The following UBAC1 variants were observed in gnomAD, a reference collection of about 807,000 sequenced individuals.
UBAC1 encodes the protein UBA domain containing 1, also known as ubiquitin-associated domain-containing protein 1.
A neutral mutation model predicts 45.9 loss-of-function variants in UBAC1; 27 were observed. The observed-to-expected ratio is 0.59, with a 90% CI of 0.43 to 0.81. The LOEUF (loss-of-function observed/expected upper bound fraction) is 0.81. UBAC1 is among the 30% of genes least tolerant of loss of function. The pLI is 0.00. For missense variants in UBAC1, 529 were observed against 539.2 expected (o/e 0.98, Z 0.19); for synonymous variants, 227 against 215.5 (o/e 1.05, Z -0.47).
intron 9 of UBAC1, among the ~76,000 whole-genome samples, chr9:135,935,730 A>G (rs1323086097): frequency 6.6e-6 from 1 of 152,194 alleles, no homozygotes; most frequent in Non-Finnish European, 1.5e-5. Flanking sequence ...GCTAATAACC[A>G]AAAGGAATGC....
rs759877665 is a variant in UBAC1, at chr9:135,946,300, T to G, written c.513A>C (p.Pro171=). 1.9e-6 allele frequency: 3 copies of G among 1,613,852 alleles called. No individual in the cohort carries two copies. The East Asian group carries it at 6.7e-5, about 36-fold the overall frequency. Residue 171 remains proline (P), a synonymous_variant, in exon 5 of 10, where the codon CCA becomes CCC. Transcript: ENST00000371756. ...CCTTCTTAAACAATTCCACTGCATC[T>G]GGGTTCAGCGCTAACAGCTTCTGCG... ...EVAQKLLALN[P]DAVELFKKAN...
At chr9:135,958,558 G>A (rs921147475) in intron 1 of UBAC1, among the ~76,000 whole-genome samples, 17 of 152,208 alleles carry the variant, frequency 1.1e-4, no homozygotes, top group East Asian at 1.9e-4. Context: ...GGGAGAAGCC[G>A]ACATCATTCC....
rs754445931 is a variant in UBAC1, at chr9:135,933,383, G to C, written c.*17C>G. The stretch of plus-strand genomic sequence containing the variant: ...AGGGGGCTGCTGTGGCCTGATAGCC[G>C]AGTGGAACAACGCCACCTACGTGCG... On this transcript the variant is annotated 3_prime_UTR_variant, in exon 10 of 10. Transcript: ENST00000371756. 6.2e-7 allele frequency: 1 copy of C among 1,608,172 alleles called. No individual in the cohort carries two copies. Among genetic ancestry groups the C allele is most frequent in the Admixed American group, 1.7e-5 (1 of 60,010 alleles).
Position 135,955,319 on chromosome 9 carries a change from G to C in UBAC1, c.235C>G (p.Leu79Val). ...CCTTGGTCCTGGATGTTCTCTTCCAGGATGGTCCTGGCATCACTCAGCACC... is the reference window on the plus strand; with the variant it reads ...CCTTGGTCCTGGATGTTCTCTTCCACGATGGTCCTGGCATCACTCAGCACC... ...ERVLSDARTI[L>V]EENIQDQDVL... Residue 79 changes from leucine to valine, a missense_variant, in exon 2 of 10, where the codon CTG becomes GTG. Physicochemically the swap from Leu to Val is conservative, Grantham distance 32. Transcript: ENST00000371756. The C allele has an allele frequency of 1.3e-6, 2 of 1,596,894 alleles. No homozygotes were observed. The highest frequency in any genetic ancestry group is 1.7e-6 in the Non-Finnish European group (2 of 1,174,910).
intron 2 of UBAC1, 107 bp from the exon 3 acceptor site, chr9:135,953,860 C>T (rs984096422): frequency 1.1e-4 from 99 of 876,818 alleles, no homozygotes; most frequent in Non-Finnish European, 1.6e-4. Flanking sequence ...GGGATTCGGC[C>T]GGGCGCAGTG....
Position 135,961,322 on chromosome 9 carries a change from G to T in UBAC1, c.-160C>A. 2.1e-6 allele frequency: 1 copy of T among 479,310 alleles called. No homozygotes were observed. The highest frequency in any genetic ancestry group is 2.8e-6 in the Non-Finnish European group (1 of 362,958). 29.7% of individuals were successfully genotyped at this position (479,310 alleles called of 1,614,324 possible). A position where few individuals can be genotyped will look rare whatever the true frequency, so the allele number is the denominator to read the frequency against. On this transcript the variant is annotated 5_prime_UTR_variant, in exon 1 of 10. Transcript: ENST00000371756. ...GGCCGGGCCGCCGTCACTCTCCGCG[G>T]CCTCAGCGGTCGCCTCGCTCCCGCC... is the stretch of plus-strand genomic sequence containing the variant.
intron 7 of UBAC1, among the ~76,000 whole-genome samples, 179 bp downstream of exon 7, chr9:135,944,849 G>A (rs2297692): frequency 0.26 from 38,768 of 151,760 alleles, 5,365 homozygotes; most frequent in Non-Finnish European, 0.32. Flanking sequence ...CAGGCCCACC[G>A]CCCCCAGGCT....
In UBAC1 at chr9:135,961,265, C is replaced by T; in HGVS notation, c.-103G>A. 9.5e-7 allele frequency: 1 copy of T among 1,051,958 alleles called. No homozygotes were observed. Among genetic ancestry groups the T allele is most frequent in the Non-Finnish European group, 1.2e-6 (1 of 849,512 alleles). 65.2% of individuals were successfully genotyped at this position (1,051,958 alleles called of 1,614,324 possible). On this transcript the variant is annotated 5_prime_UTR_variant, in exon 1 of 10. Coordinates refer to ENST00000371756, the MANE Select transcript of UBAC1 (RefSeq NM_016172.3). ...GGGCCAGACCGCCCGCGCGCTCCTT[C>T]GCTGGGCCGCCGCCCCGCCCCGGCT... is the stretch of plus-strand genomic sequence containing the variant.
rs747378427 is a variant in UBAC1 at position 135,933,533 on chromosome 9, C to A, written c.1103-18G>T. ...TTCAAATGCTGCAGGGAAAACAGAG[C>A]CAGCCTGAGTGCCCACGCCCCCACT... On this transcript the variant is annotated intron_variant, in intron 9 of 9. Transcript: ENST00000371756. 6.3e-7 allele frequency: 1 copy of A among 1,599,610 alleles called. No individual in the cohort carries two copies. Among genetic ancestry groups the A allele is most frequent in the East Asian group, 2.2e-5 (1 of 44,824 alleles).
At chr9:135,951,711 G>A (rs1165356685) in intron 3 of UBAC1, among the ~76,000 whole-genome samples, 1 of 152,188 alleles carries the variant, frequency 6.6e-6, no homozygotes, top group Non-Finnish European at 1.5e-5. Context: ...TTGGGAGGCT[G>A]AGGCAGGAGA....
chr9:135,952,476 G>C (rs12115351), intron 3 of UBAC1, among the ~76,000 whole-genome samples: 1 of 152,218 alleles, frequency 6.6e-6, no homozygotes, highest in East Asian at 1.9e-4. Flanking sequence ...CTTGCAGAAC[G>C]CATCTTCCTC....
At chr9:135,942,484 G>A (rs1340354890) in intron 7 of UBAC1, among the ~76,000 whole-genome samples, 2 of 151,992 alleles carry the variant, frequency 1.3e-5, no homozygotes, top group Non-Finnish European at 2.9e-5. Flanking sequence ...ATCCCTATCT[G>A]TACAAAATTT....
At chr9:135,939,259 A>T (rs1490160125) in intron 8 of UBAC1, among the ~76,000 whole-genome samples, 1 of 152,108 alleles carries the variant, frequency 6.6e-6, no homozygotes, top group East Asian at 1.9e-4. Context: ...ATATGTACAT[A>T]TAAGGCACCC....
chr9:135,934,645 G>A (rs1218276864), intron 9 of UBAC1, among the ~76,000 whole-genome samples: 2 of 152,166 alleles, frequency 1.3e-5, no homozygotes, highest in African/African-American at 4.8e-5. Context: ...GGGCAGCAGA[G>A]TGAGACTCCG....
chr9:135,956,968 C>T (rs1044065400), intron 1 of UBAC1, among the ~76,000 whole-genome samples: 4 of 152,310 alleles, frequency 2.6e-5, no homozygotes, highest in African/African-American at 9.6e-5. Context: ...AGGCCGTCCT[C>T]GGACGTCTCA....
Position 135,945,248 on chromosome 9 carries a change from A to C in UBAC1, c.656T>G (p.Met219Arg), listed in dbSNP as rs991597177. 8 of 1,580,754 alleles carry C rather than the reference A, an allele frequency of 5.1e-6. No homozygotes were observed. In the African/African-American group the frequency reaches 9.5e-5, roughly 19 times the overall value. Reference protein sequence around the residue: ...RATKALQLNHMSVPQAMEWLI... With the variant: ...RATKALQLNHRSVPQAMEWLI... The stretch of plus-strand genomic sequence containing the variant: ...CCACTCCATGGCCTGAGGCACCGAC[A>C]TGCTGCAAGGCAAGAGACTCTTTCC... The change falls in exon 7 of 10, where the codon ATG becomes AGG. Residue 219 changes from methionine (M) to arginine (R), a missense_variant and splice_region_variant. Physicochemically the swap from Met to Arg is moderately conservative, Grantham distance 91. Transcript: ENST00000371756.
rs1839534013 is a variant in UBAC1, at chr9:135,961,267, C to T, written c.-105G>A. ...GCCAGACCGCCCGCGCGCTCCTTCGCTGGGCCGCCGCCCCGCCCCGGCTCC... is the reference window on the plus strand; with the variant it reads ...GCCAGACCGCCCGCGCGCTCCTTCGTTGGGCCGCCGCCCCGCCCCGGCTCC... On this transcript the variant is annotated 5_prime_UTR_variant, in exon 1 of 10. Coordinates refer to ENST00000371756, the MANE Select transcript of UBAC1 (RefSeq NM_016172.3). 1 of 1,040,204 alleles carries T rather than the reference C, an allele frequency of 9.6e-7. No individual in the cohort carries two copies. Among genetic ancestry groups the T allele is most frequent in the African/African-American group, 1.7e-5 (1 of 58,792 alleles). The allele number at this position is 1,040,204 out of a possible 1,614,324, so 64.4% of individuals were successfully genotyped here. A position where few individuals can be genotyped will look rare whatever the true frequency, so the allele number is the denominator to read the frequency against.
chr9:135,940,117 T>G (rs1225787808), intron 7 of UBAC1, among the ~76,000 whole-genome samples: 2 of 152,040 alleles, frequency 1.3e-5, no homozygotes, highest in African/African-American at 4.8e-5. Context: ...GATGACTGTG[T>G]GGATAAGACT....
intron 7 of UBAC1, among the ~76,000 whole-genome samples, 160 bp from the exon 8 acceptor site, chr9:135,939,919 A>T (rs549537872): frequency 2.6e-5 from 4 of 152,376 alleles, no homozygotes; most frequent in African/African-American, 7.2e-5. Flanking sequence ...AGCTCTGCTA[A>T]AACAGATCTT....
Sources: gnomAD v4.1 joint callset for allele counts (sites outside exome capture counted in the v4.1 genomes callset) on GRCh38, gnomAD v4.1.1 for gene constraint, MANE v1.5 for transcripts, NCBI Gene and HGNC (gene_info 2026-07-23, HGNC 2026-07-21) for gene names.